LRRK2: variants seen among roughly 807,000 people sequenced by gnomAD.
LRRK2 encodes leucine rich repeat kinase 2, also known as leucine-rich repeat serine/threonine-protein kinase 2.
In LRRK2, 203 loss-of-function variants were observed where a neutral mutation model predicts 302.6. The observed-to-expected ratio is 0.67, with a 90% CI of 0.60 to 0.75. The LOEUF (loss-of-function observed/expected upper bound fraction) is 0.75. LRRK2 is among the 30% of genes least tolerant of loss of function. LRRK2 has a pLI of 0.00. For missense variants in LRRK2, 2,830 were observed against 2,951.0 expected (o/e 0.96, Z 0.95); for synonymous variants, 1,066 against 1,031.9 (o/e 1.03, Z -0.63).
chr12:40,356,586 G>T (rs560282979), intron 46 of LRRK2, among the ~76,000 whole-genome samples: 1 of 152,170 alleles, frequency 6.6e-6, no homozygotes, highest in Non-Finnish European at 1.5e-5. Context: ...CTTTTCTTCA[G>T]ATTCCTATTT....
At chr12:40,353,161 G>A (rs1483227812) in intron 44 of LRRK2, among the ~76,000 whole-genome samples, 1 of 151,692 alleles carries the variant, frequency 6.6e-6, no homozygotes, top group South Asian at 2.1e-4. Flanking sequence ...CGGCTGCTGG[G>A]CGGAGGGGCT....
intron 12 of LRRK2, among the ~76,000 whole-genome samples, chr12:40,258,763 G>T (rs1942637709): frequency 6.6e-6 from 1 of 152,184 alleles, no homozygotes; most frequent in Middle Eastern, 3.2e-3. Context: ...GGAGGGATGT[G>T]TTTAAACTGG....
At chr12:40,277,709 A>G (rs1199678924) in intron 16 of LRRK2, among the ~76,000 whole-genome samples, 179 bp from the exon 17 acceptor site, 2 of 152,154 alleles carry the variant, frequency 1.3e-5, no homozygotes, top group Non-Finnish European at 2.9e-5. Flanking sequence ...TTTCTTAGTC[A>G]TGAGAGAGAG....
intron 42 of LRRK2, among the ~76,000 whole-genome samples, chr12:40,348,078 A>G (rs1453138694): frequency 2.0e-5 from 3 of 152,254 alleles, no homozygotes; most frequent in Non-Finnish European, 4.4e-5. Flanking sequence ...TACTTTGAGT[A>G]TTAAAATAAA....
intron 25 of LRRK2, among the ~76,000 whole-genome samples, chr12:40,299,864 A>G (rs1312881903): frequency 6.6e-6 from 1 of 152,092 alleles, no homozygotes; most frequent in East Asian, 1.9e-4. Flanking sequence ...GGATTTATTG[A>G]AAGTCTCTGG....
rs575111901 is a variant in LRRK2 at position 40,335,550 on chromosome 12, G to A, written c.5948+393G>A. ...TAGAGTGATTCATGTTGGATTCTTC[G>A]GCATGACCATCTCACATGTCTCAGA... On this transcript the variant is annotated intron_variant, in intron 40 of 50. Transcript: ENST00000298910. Among the ~76,000 whole-genome samples, 6 of 152,148 alleles carry A rather than the reference G, an allele frequency of 3.9e-5. No homozygotes were observed. The South Asian group carries it at 8.3e-4, about 21-fold the overall frequency.
At chr12:40,244,316 G>A (rs865801300) in intron 7 of LRRK2, among the ~76,000 whole-genome samples, 1 of 152,142 alleles carries the variant, frequency 6.6e-6, no homozygotes, top group South Asian at 2.1e-4. Flanking sequence ...AAATATCAGT[G>A]CTATGATTAT....
chr12:40,242,899 G>A (rs988644234), intron 6 of LRRK2, among the ~76,000 whole-genome samples: 6 of 145,214 alleles, frequency 4.1e-5, no homozygotes, highest in Non-Finnish European at 6.0e-5. Flanking sequence ...GATGATGATG[G>A]TTGTGATAAT....
chr12:40,238,807 T>G (rs914735407), intron 5 of LRRK2, among the ~76,000 whole-genome samples: 37 of 152,222 alleles, frequency 2.4e-4, no homozygotes, highest in African/African-American at 8.7e-4. Context: ...CCAGTCTAAT[T>G]TCTTGCAGTT....
At chr12:40,272,288 C>T (rs1943263865) in intron 14 of LRRK2, among the ~76,000 whole-genome samples, 1 of 152,098 alleles carries the variant, frequency 6.6e-6, no homozygotes, top group Non-Finnish European at 1.5e-5. Flanking sequence ...GTAGAAGATA[C>T]TAAACTTTTG....
chr12:40,283,700 G>A (rs1389231505), intron 18 of LRRK2, among the ~76,000 whole-genome samples, 175 bp from the exon 19 acceptor site: 1 of 152,098 alleles, frequency 6.6e-6, no homozygotes, highest in Admixed American at 6.6e-5. Context: ...GACATTGATG[G>A]CATTAATATC....
Position 40,366,962 on chromosome 12 carries a change from T to C in LRRK2, c.7391-44T>C, listed in dbSNP as rs3789329. The C allele has an allele frequency of 0.034, 49,484 of 1,448,076 alleles. 2,479 individuals are homozygous for C. Among genetic ancestry groups the C allele is most frequent in the Admixed American group, 0.2 (11,558 of 58,940 alleles). The allele number at this position is 1,448,076 out of a possible 1,614,324, so 89.7% of individuals were successfully genotyped here. A position where few individuals can be genotyped will look rare whatever the true frequency, so the allele number is the denominator to read the frequency against. On this transcript the variant is annotated intron_variant, in intron 49 of 50. Transcript: ENST00000298910. ...TTACTTTTTTTTCAGGCCAGTTTAA[T>C]ATATAGTTTTAACAGAAAACTTACA...
At chr12:40,350,216 T>C (rs1434411186) in intron 43 of LRRK2, among the ~76,000 whole-genome samples, 1 of 152,184 alleles carries the variant, frequency 6.6e-6, no homozygotes, top group East Asian at 1.9e-4. Context: ...ACTGTCTATC[T>C]TGGGAAGGCC....
chr12:40,280,185 T>C (rs1250469108), intron 18 of LRRK2, among the ~76,000 whole-genome samples: 1 of 152,166 alleles, frequency 6.6e-6, no homozygotes, highest in Non-Finnish European at 1.5e-5. Context: ...GCATGGTGGC[T>C]CACATCTGTA....
At chr12:40,278,438 C>T (rs1279465177) in intron 18 of LRRK2, among the ~76,000 whole-genome samples, 177 bp downstream of exon 18, 3 of 152,102 alleles carry the variant, frequency 2.0e-5, no homozygotes, top group African/African-American at 7.2e-5. Context: ...TAATAGGGTC[C>T]TTTAGGTGTT....
At chr12:40,264,929 CAT>C (rs373673477) in intron 14 of LRRK2, among the ~76,000 whole-genome samples, 7 of 152,090 alleles carry the variant, frequency 4.6e-5, no homozygotes, top group African/African-American at 1.7e-4. Flanking sequence ...AGAATAAAGA[CAT>C]AATTAGTGTG....
intron 38 of LRRK2, among the ~76,000 whole-genome samples, chr12:40,326,467 AAAAAAAAAAG>A (rs1565753900): frequency 6.9e-6 from 1 of 145,760 alleles, no homozygotes; most frequent in Non-Finnish European, 1.5e-5. Flanking sequence ...CTCTGTCTCA[AAAAAAAAAAG>A]AAAAAAAAAA....
chr12:40,230,734 C>A (rs1941139711), intron 2 of LRRK2, among the ~76,000 whole-genome samples: 1 of 149,476 alleles, frequency 6.7e-6, no homozygotes, highest in Non-Finnish European at 1.5e-5. Flanking sequence ...ATTGGAGATC[C>A]TTTACATTTA....
intron 16 of LRRK2, among the ~76,000 whole-genome samples, chr12:40,275,323 C>A (rs1428909447): frequency 6.6e-6 from 1 of 152,044 alleles, no homozygotes; most frequent in Non-Finnish European, 1.5e-5. Context: ...CAAAGTTTGT[C>A]ACTCTCTGGG....
Sources: gnomAD v4.1 joint callset for allele counts (sites outside exome capture counted in the v4.1 genomes callset) on GRCh38, gnomAD v4.1.1 for gene constraint, MANE v1.5 for transcripts, NCBI Gene and HGNC (gene_info 2026-07-23, HGNC 2026-07-21) for gene names.